HSD17B2: variants seen among roughly 807,000 people sequenced by gnomAD.
The protein encoded by HSD17B2 is 17-beta-hydroxysteroid dehydrogenase type 2.
Under a neutral mutation model 26.9 loss-of-function variants are expected in HSD17B2, and 32 were observed. The ratio of observed to expected loss-of-function variants is 1.19; its 90% confidence interval spans 0.90 to 1.60. The LOEUF is 1.60. Among genes scored for constraint, HSD17B2 ranks in the 40% most tolerant of loss-of-function variants. The pLI, the probability that HSD17B2 is intolerant of heterozygous loss-of-function variation, is 0.00. For missense variants in HSD17B2, 613 were observed against 468.6 expected, an observed-to-expected ratio of 1.31 and a Z score of -2.85; for synonymous variants, 246 against 186.7, an observed-to-expected ratio of 1.32 and a Z score of -2.59.
In HSD17B2 at chr16:82,098,136, C is replaced by G. The variant is rs747352010; in HGVS notation, c.864C>G (p.Pro288=). 6.2e-7 allele frequency: 1 copy of G among 1,613,966 alleles called. No homozygotes were observed. Among genetic ancestry groups the G allele is most frequent in the Non-Finnish European group, 8.5e-7 (1 of 1,179,948 alleles). The change falls in exon 5 of 5, where the codon CCC becomes CCG. Residue 288 remains proline, a synonymous_variant. Transcript: ENST00000199936. ...KLEKDILDHL[P]AEVQEDYGQD... is the part of the protein sequence containing the mutation. The stretch of plus-strand genomic sequence containing the variant: ...AGAAGGACATTCTGGACCACCTCCC[C>G]GCTGAGGTACAGGAAGACTACGGCC...
At chr16:82,090,233 G>A in intron 3 of HSD17B2, 1 of 974,964 alleles carries the variant, frequency 1.0e-6, no homozygotes, top group Non-Finnish European at 1.2e-6. Flanking sequence ...AACCTCAGAA[G>A]GTATGTTGGT....
rs1300225770 is a variant in HSD17B2 at position 82,098,406 on chromosome 16, A to C, written c.1134A>C (p.Arg378Ser). 1.2e-6 allele frequency: 2 copies of C among 1,610,374 alleles called. No individual in the cohort carries two copies. Among genetic ancestry groups the C allele is most frequent in the Non-Finnish European group, 1.7e-6 (2 of 1,177,792 alleles). The change falls in exon 5 of 5, where the codon AGA becomes AGC. Residue 378 changes from arginine (R) to serine (S), a missense_variant. Arg to Ser is a moderately radical substitution (Grantham distance 110, BLOSUM62 -1). Coordinates refer to ENST00000199936, the MANE Select transcript of HSD17B2 (RefSeq NM_002153.3). The part of the protein sequence containing the change: ...GQDKPMPRAL[R>S]MPNYKKKAT Reference sequence around the variant, plus strand: ...ACAAGCCCATGCCCAGAGCTCTAAGAATGCCTAACTACAAGAAAAAGGCCA... The same window carrying C: ...ACAAGCCCATGCCCAGAGCTCTAAGCATGCCTAACTACAAGAAAAAGGCCA...
At chr16:82,039,261 A>T (rs1410868670) in intron 1 of HSD17B2, among the ~76,000 whole-genome samples, 3 of 151,622 alleles carry the variant, frequency 2.0e-5, no homozygotes, top group African/African-American at 7.3e-5. Flanking sequence ...ACACACACAC[A>T]CACACACACA....
At chr16:82,052,014 CTG>C (rs1256445817) in intron 1 of HSD17B2, among the ~76,000 whole-genome samples, 10 of 152,364 alleles carry the variant, frequency 6.6e-5, no homozygotes, top group East Asian at 5.8e-4. Context: ...TAGGATCACA[CTG>C]TGCCGTCAGT....
chr16:82,061,013 C>T (rs1237383883), intron 1 of HSD17B2, among the ~76,000 whole-genome samples: 1 of 152,118 alleles, frequency 6.6e-6, no homozygotes, highest in Admixed American at 6.5e-5. Flanking sequence ...GTAATCCCAG[C>T]ACTTTGGAAG....
rs74797834 is a variant in HSD17B2 at position 82,087,439 on chromosome 16, G to A, written c.665-3463G>A. Among the ~76,000 whole-genome samples the A allele has an allele frequency of 6.5e-3, 988 of 152,170 alleles. 19 individuals carry two copies. Among genetic ancestry groups the A allele is most frequent in the African/African-American group, 0.023 (944 of 41,520 alleles). Reference sequence around the variant, plus strand: ...GACACCTATATTTATCTCATCTTACGTCATCTTAAACATTAACGGCAAGAT... The same window carrying A: ...GACACCTATATTTATCTCATCTTACATCATCTTAAACATTAACGGCAAGAT... On this transcript the variant is annotated intron_variant, in intron 3 of 4. Coordinates refer to ENST00000199936, the MANE Select transcript of HSD17B2 (RefSeq NM_002153.3).
At chr16:82,058,878 A>G (rs1914352782) in intron 1 of HSD17B2, among the ~76,000 whole-genome samples, 2 of 152,208 alleles carry the variant, frequency 1.3e-5, no homozygotes, top group African/African-American at 2.4e-5. Flanking sequence ...GAGCGAGTAC[A>G]GGGCAAGAAC....
intron 4 of HSD17B2, chr16:82,095,048 G>A (rs567488642): frequency 1.3e-5 from 2 of 152,356 alleles, no homozygotes; most frequent in East Asian, 3.9e-4. Context: ...GATGATGACG[G>A]ACTGATGGCA....
At chr16:82,091,389 G>A (rs1904689442) in intron 4 of HSD17B2, 2 of 321,336 alleles carry the variant, frequency 6.2e-6, no homozygotes, top group South Asian at 3.1e-5. Context: ...AAGAAGTCCA[G>A]ATTCTGTCTT....
At chr16:82,036,391 T>G (rs753665451) in intron 1 of HSD17B2, among the ~76,000 whole-genome samples, 12 of 151,506 alleles carry the variant, frequency 7.9e-5, no homozygotes, top group Non-Finnish European at 1.5e-4. Context: ...GAGGCCAAAT[T>G]AAATTTCTTT....
At chr16:82,038,540 G>C (rs1251317795) in intron 1 of HSD17B2, among the ~76,000 whole-genome samples, 1 of 152,118 alleles carries the variant, frequency 6.6e-6, no homozygotes, top group Non-Finnish European at 1.5e-5. Context: ...AGTAGAGACA[G>C]GGTTGTATGA....
chr16:82,096,596 G>A (rs1481175630), intron 4 of HSD17B2: 4 of 151,846 alleles, frequency 2.6e-5, no homozygotes, highest in Non-Finnish European at 5.9e-5. Flanking sequence ...GCTTATATGA[G>A]TGTATATATA....
At chr16:82,052,763 A>G (rs1914147403) in intron 1 of HSD17B2, among the ~76,000 whole-genome samples, 1 of 152,212 alleles carries the variant, frequency 6.6e-6, no homozygotes. Context: ...ATGTAGTAGG[A>G]GACAGGTAGT....
At chr16:82,070,660 T>C (rs767041096) in intron 2 of HSD17B2, 1 of 435,916 alleles carries the variant, frequency 2.3e-6, no homozygotes, top group Admixed American at 4.0e-5. Flanking sequence ...TGCCAAACCC[T>C]TAATTTGCAA....
chr16:82,035,485 G>A lies in HSD17B2; in HGVS notation c.61G>A (p.Gly21Arg). The A allele has an allele frequency of 6.2e-7, 1 of 1,614,046 alleles. No individual in the cohort carries two copies. Among genetic ancestry groups the A allele is most frequent in the African/African-American group, 1.3e-5 (1 of 75,022 alleles). ...CCTGGCTGTCCCCACAGTACTATGT[G>A]GGACAGTATTTTGCAAATACAAGAA... ...ICLAVPTVLC[G>R]TVFCKYKKSS... The change falls in exon 1 of 5, where the codon GGG becomes AGG. Residue 21 changes from glycine (G) to arginine (R), a missense_variant. Coordinates refer to ENST00000199936, the MANE Select transcript of HSD17B2 (RefSeq NM_002153.3).
chr16:82,070,159 C>G (rs1914665096), intron 2 of HSD17B2, among the ~76,000 whole-genome samples: 1 of 152,182 alleles, frequency 6.6e-6, no homozygotes, highest in African/African-American at 2.4e-5. Context: ...TGCTGCCATT[C>G]TGCAAATCGG....
At chr16:82,059,723 G>A (rs1000335115) in intron 1 of HSD17B2, among the ~76,000 whole-genome samples, 4 of 152,112 alleles carry the variant, frequency 2.6e-5, no homozygotes, top group Admixed American at 2.0e-4. Context: ...AGTGGCACCG[G>A]GACAGTACAG....
In HSD17B2 at chr16:82,090,633, G is replaced by T. The variant is rs8191219; in HGVS notation, c.665-269G>T. On this transcript the variant is annotated intron_variant, in intron 3 of 4. Transcript: ENST00000199936. ...TGCGGCCAGCCCTAAATTACATTTT[G>T]CTTAGGAGTTGGACAAGATTGAGCC... 8.7e-3 allele frequency among the ~76,000 whole-genome samples: 1,316 copies of T among 152,134 alleles called. 13 individuals carry two copies. The highest frequency in any genetic ancestry group is 0.013 in the Non-Finnish European group (875 of 67,968).
intron 1 of HSD17B2, among the ~76,000 whole-genome samples, chr16:82,047,876 G>A (rs893530997): frequency 6.6e-6 from 1 of 152,208 alleles, no homozygotes; most frequent in African/African-American, 2.4e-5. Context: ...ACAGGCTCAA[G>A]GAATGAATGC....
Sources: gnomAD v4.1 joint callset for allele counts (sites outside exome capture counted in the v4.1 genomes callset) on GRCh38, gnomAD v4.1.1 for gene constraint, MANE v1.5 for transcripts, NCBI Gene and HGNC (gene_info 2026-07-23, HGNC 2026-07-21) for gene names.